GPATCH2L: variants seen among roughly 807,000 people sequenced by gnomAD.
The protein encoded by GPATCH2L is G patch domain-containing protein 2-like.
In GPATCH2L, 31 loss-of-function variants were observed where a neutral mutation model predicts 57.4. The ratio of observed to expected loss-of-function variants is 0.54; its 90% CI spans 0.41 to 0.73. The LOEUF is 0.73. Among genes scored for constraint, GPATCH2L ranks in the 30% least tolerant of loss-of-function variants. The probability of loss-of-function intolerance (pLI) is 0.00; values close to 1 mark genes in which losing one functional copy is unlikely to be tolerated. For missense variants in GPATCH2L, 481 were observed against 599.9 expected, an observed-to-expected ratio of 0.80 and a Z score of 2.07; for synonymous variants, 199 against 210.7, an observed-to-expected ratio of 0.94 and a Z score of 0.48.
chr14:76,179,134 T>C (rs2039461447), intron 7 of GPATCH2L: 1 of 152,124 alleles, frequency 6.6e-6, no homozygotes, highest in Non-Finnish European at 1.5e-5. Context: ...CTTGGAATCT[T>C]CATTATGAAT....
At chr14:76,175,142 A>G (rs1441560771) in intron 5 of GPATCH2L, 1 of 152,110 alleles carries the variant, frequency 6.6e-6, no homozygotes, top group Non-Finnish European at 1.5e-5. Flanking sequence ...TCCCCCTGCC[A>G]CCTGTGTTAC....
At chr14:76,183,315 A>G (rs950301955) in intron 8 of GPATCH2L, among the ~76,000 whole-genome samples, 3 of 152,236 alleles carry the variant, frequency 2.0e-5, no homozygotes, top group African/African-American at 7.2e-5. Flanking sequence ...ACCATTGCTG[A>G]AAGCAAAGGA....
chr14:76,180,010 C>CTACTA (rs2039496231), intron 7 of GPATCH2L: 1 of 137,956 alleles, frequency 7.2e-6, no homozygotes, highest in Non-Finnish European at 1.5e-5. Context: ...CATGGCGAAA[C>CTACTA]CCTGTCTCTA....
chr14:76,197,703 C>T (rs1252152468), intron 9 of GPATCH2L, among the ~76,000 whole-genome samples: 1 of 152,150 alleles, frequency 6.6e-6, no homozygotes, highest in Non-Finnish European at 1.5e-5. Context: ...TTCCGCTTTG[C>T]CGCTGTATTA....
In GPATCH2L at chr14:76,202,216, G is replaced by A. The variant is rs2040322398; in HGVS notation, c.*365G>A. On this transcript the variant is annotated 3_prime_UTR_variant, in exon 10 of 10. Transcript: ENST00000261530. ...TGCTTCTGCATACCTTTTGTGTAGA[G>A]CTTTTAATATCATTTGAGGAAGTTC... 1 of 163,806 alleles carries A rather than the reference G, an allele frequency of 6.1e-6. No individual in the cohort carries two copies. Among genetic ancestry groups the A allele is most frequent in the South Asian group, 1.8e-4 (1 of 5,642 alleles). The allele number at this position is 163,806 out of a possible 1,614,324, so 10.1% of individuals were successfully genotyped here. A position where few individuals can be genotyped will look rare whatever the true frequency, so the allele number is the denominator to read the frequency against.
chr14:76,157,433 G>A (rs1278691696), intron 2 of GPATCH2L, among the ~76,000 whole-genome samples: 1 of 152,184 alleles, frequency 6.6e-6, no homozygotes, highest in Non-Finnish European at 1.5e-5. Flanking sequence ...AGTTGATTCT[G>A]TCAATAATTT....
intron 1 of GPATCH2L, among the ~76,000 whole-genome samples, chr14:76,225,376 A>G (rs1434330985): frequency 6.6e-6 from 1 of 152,184 alleles, no homozygotes; most frequent in Non-Finnish European, 1.5e-5. Context: ...GACCCGTTCA[A>G]TATATGGTGC....
intron 1 of GPATCH2L, among the ~76,000 whole-genome samples, chr14:76,226,100 C>T (rs2071436487): frequency 6.6e-6 from 1 of 152,212 alleles, no homozygotes; most frequent in Non-Finnish European, 1.5e-5. Flanking sequence ...AGAAATTCCA[C>T]TCTAAAGTAC....
At position 76,209,537 on chromosome 14, in the gene GPATCH2L, C is replaced by T. The variant is rs1411661594; in HGVS notation, c.*7686C>T. The T allele has an allele frequency of 6.6e-6, 1 of 152,364 alleles. No individual in the cohort carries two copies. The highest frequency in any genetic ancestry group is 1.5e-5 in the Non-Finnish European group (1 of 68,188). The allele number at this position is 152,364 out of a possible 1,614,324, so 9.4% of individuals were successfully genotyped here. ...ATGAAAAGATGGCCTGGACTGTGTT[C>T]CCTCTTCTGCTTTCTCCTCTTCCGG... On this transcript the variant is annotated 3_prime_UTR_variant, in exon 10 of 10. Coordinates refer to ENST00000261530, the MANE Select transcript of GPATCH2L (RefSeq NM_017926.4).
At chr14:76,170,939 G>A (rs2039055260) in intron 3 of GPATCH2L, among the ~76,000 whole-genome samples, 2 of 152,196 alleles carry the variant, frequency 1.3e-5, no homozygotes, top group African/African-American at 4.8e-5. Flanking sequence ...GTTGGAGTTA[G>A]TGTAGGGCTT....
chr14:76,169,099 C>T (rs1178729016), intron 3 of GPATCH2L, among the ~76,000 whole-genome samples: 2 of 152,162 alleles, frequency 1.3e-5, no homozygotes, highest in Non-Finnish European at 2.9e-5. Context: ...ACTGTCTCCA[C>T]CTTTGTGAAT....
downstream of GPATCH2L, among the ~76,000 whole-genome samples, chr14:76,216,927 A>AG (rs2040492497): frequency 6.6e-6 from 1 of 152,174 alleles, no homozygotes; most frequent in Non-Finnish European, 1.5e-5. Flanking sequence ...GTGGGGGAAA[A>AG]GATGGATTAT....
chr14:76,231,326 T>A (rs1272290006), intron 2 of GPATCH2L, among the ~76,000 whole-genome samples: 2 of 152,142 alleles, frequency 1.3e-5, no homozygotes, highest in African/African-American at 2.4e-5. Context: ...GACCGTCTCT[T>A]TCCTAGTGCT....
chr14:76,162,484 T>G (rs938868466), intron 2 of GPATCH2L, among the ~76,000 whole-genome samples: 16 of 152,180 alleles, frequency 1.1e-4, no homozygotes, highest in Admixed American at 9.2e-4. Flanking sequence ...ACCATCCTGG[T>G]GCAGTGTGAG....
At chr14:76,194,459 A>G (rs1406450509) in intron 8 of GPATCH2L, among the ~76,000 whole-genome samples, 1 of 149,652 alleles carries the variant, frequency 6.7e-6, no homozygotes, top group Non-Finnish European at 1.5e-5. Flanking sequence ...TTGACTCTTA[A>G]GCTTTTGCTA....
At position 76,204,240 on chromosome 14, in the gene GPATCH2L, A is replaced by G. The variant is rs1168317090; in HGVS notation, c.*2389A>G. 1 of 152,210 alleles carries G rather than the reference A, an allele frequency of 6.6e-6. No homozygotes were observed. The highest frequency in any genetic ancestry group is 1.5e-5 in the Non-Finnish European group (1 of 68,040). The allele number at this position is 152,210 out of a possible 1,614,324, so 9.4% of individuals were successfully genotyped here. ...GAGATGCTTATTTATGAAACAGTAT[A>G]CCATGAATATTTATTATCTTTCTTG... On this transcript the variant is annotated 3_prime_UTR_variant, in exon 10 of 10. Transcript: ENST00000261530.
chr14:76,223,922 C>T (rs1323222440), intron 1 of GPATCH2L, among the ~76,000 whole-genome samples: 1 of 152,126 alleles, frequency 6.6e-6, no homozygotes, highest in Non-Finnish European at 1.5e-5. Context: ...TTATGTACCC[C>T]CAAAAGCTTG....
At chr14:76,173,788 A>G (rs1043954527) in intron 5 of GPATCH2L, 163 bp downstream of exon 5, 3 of 552,510 alleles carry the variant, frequency 5.4e-6, no homozygotes, top group Non-Finnish European at 9.9e-6. Flanking sequence ...GTAGAATGTG[A>G]ATGGATATAC....
At chr14:76,227,007 G>A (rs979053694) in intron 1 of GPATCH2L, among the ~76,000 whole-genome samples, 5 of 152,200 alleles carry the variant, frequency 3.3e-5, no homozygotes, top group African/African-American at 1.2e-4. Context: ...ATGTCTGAGA[G>A]CTGAGCGGAG....
Sources: gnomAD v4.1 joint callset for allele counts (sites outside exome capture counted in the v4.1 genomes callset) on GRCh38, gnomAD v4.1.1 for gene constraint, MANE v1.5 for transcripts, NCBI Gene and HGNC (gene_info 2026-07-23, HGNC 2026-07-21) for gene names.